Variants in AGBL4 observed in about 807,000 individuals in gnomAD.
AGBL4 encodes the protein AGBL carboxypeptidase 4.
In AGBL4, 58 loss-of-function variants were observed where a neutral mutation model predicts 66.4. That is an observed-to-expected ratio of 0.87 (90% CI 0.71 to 1.09). AGBL4 has a LOEUF of 1.09. AGBL4 is among the 50% of genes least tolerant of loss of function. The probability of loss-of-function intolerance (pLI) is 0.00; values close to 1 mark genes in which losing one functional copy is unlikely to be tolerated. For missense variants in AGBL4, 579 were observed against 631.0 expected (o/e 0.92, Z 0.88); for synonymous variants, 234 against 222.9 (o/e 1.05, Z -0.44).
rs1205845036 is a variant in AGBL4 at position 49,868,351 on chromosome 1, G to A, written c.35-16833C>T. Among the ~76,000 whole-genome samples, 4 of 152,088 alleles carry A rather than the reference G, an allele frequency of 2.6e-5. No individual in the cohort carries two copies. The East Asian group carries it at 7.7e-4, about 29-fold the overall frequency. Reference sequence around the variant, plus strand: ...CCTAAGCAAAGAAAACAAGGCTGGAGGCATCACGCTACCTGACTTCAGACT... The same window carrying A: ...CCTAAGCAAAGAAAACAAGGCTGGAAGCATCACGCTACCTGACTTCAGACT... On this transcript the variant is annotated intron_variant, in intron 1 of 13. Transcript: ENST00000371839.
chr1:48,674,236 C>T (rs1346294817), intron 6 of AGBL4, among the ~76,000 whole-genome samples: 2 of 152,134 alleles, frequency 1.3e-5, no homozygotes, highest in Non-Finnish European at 2.9e-5. Flanking sequence ...GCTGTGAATC[C>T]CTGCCATACA....
At chr1:49,555,075 T>G (rs916833044) in intron 3 of AGBL4, among the ~76,000 whole-genome samples, 1 of 152,186 alleles carries the variant, frequency 6.6e-6, no homozygotes, top group Non-Finnish European at 1.5e-5. Flanking sequence ...CTGCTGGCTC[T>G]CTGGCAGCCT....
chr1:49,234,409 T>C (rs747663360), intron 4 of AGBL4, among the ~76,000 whole-genome samples: 83 of 152,274 alleles, frequency 5.5e-4, no homozygotes, highest in Non-Finnish European at 1.0e-3. Flanking sequence ...GCCTGAAGTA[T>C]ATATAGAAAT....
intron 9 of AGBL4, among the ~76,000 whole-genome samples, chr1:48,604,562 AG>A (rs1645127618): frequency 6.6e-6 from 1 of 152,194 alleles, no homozygotes; most frequent in African/African-American, 2.4e-5. Context: ...CAAAAAAAAA[AG>A]TTAAGTATAA....
chr1:49,906,952 A>T (rs1347556875), intron 1 of AGBL4, among the ~76,000 whole-genome samples: 1 of 152,034 alleles, frequency 6.6e-6, no homozygotes, highest in African/African-American at 2.4e-5. Flanking sequence ...TAAATATAAG[A>T]TGGGCCATTA....
At chr1:49,566,072 C>G (rs78148342) in intron 3 of AGBL4, among the ~76,000 whole-genome samples, 1 of 152,198 alleles carries the variant, frequency 6.6e-6, no homozygotes, top group Non-Finnish European at 1.5e-5. Context: ...CGCTGATACC[C>G]TTTCTTCCCG....
intron 12 of AGBL4, among the ~76,000 whole-genome samples, chr1:48,538,407 A>AG (rs1169972088): frequency 1.3e-5 from 2 of 152,170 alleles, no homozygotes; most frequent in African/African-American, 4.8e-5. Flanking sequence ...ATCCCCATTT[A>AG]TAGGTAAGTA....
At chr1:48,640,981 G>A (rs1207300177) in intron 8 of AGBL4, among the ~76,000 whole-genome samples, 2 of 152,030 alleles carry the variant, frequency 1.3e-5, no homozygotes, top group Admixed American at 6.6e-5. Flanking sequence ...TAGAGAAAAA[G>A]GCAGCTTGGC....
intron 2 of AGBL4, among the ~76,000 whole-genome samples, chr1:49,702,460 C>T (rs2124631001): frequency 6.6e-6 from 1 of 152,100 alleles, no homozygotes; most frequent in South Asian, 2.1e-4. Context: ...CACTGCACTC[C>T]AGCCTAGTGA....
rs1205599428 is a variant in AGBL4, at chr1:49,245,837, T to C, written c.310A>G (p.Ser104Gly). 2 of 1,549,416 alleles carry C rather than the reference T, an allele frequency of 1.3e-6. No individual in the cohort carries two copies. Among genetic ancestry groups the C allele is most frequent in the East Asian group, 2.4e-5 (1 of 40,878 alleles). The change falls in exon 4 of 14, where the codon AGT (serine) becomes GGT (glycine). Residue 104 changes from serine to glycine, a missense_variant. Ser to Gly is a moderately conservative substitution (Grantham distance 56, BLOSUM62 0). Transcript: ENST00000371839. Reference sequence around the variant, plus strand: ...TCTCTATAGAGACTCTTGGTTTTACTGAAGTTAACAATGTTGAAAATGACC... The same window carrying C: ...TCTCTATAGAGACTCTTGGTTTTACCGAAGTTAACAATGTTGAAAATGACC... The part of the protein sequence containing the change: ...QRVIFNIVNF[S>G]KTKSLYRDGM...
chr1:49,321,944 G>A (rs560814409), intron 3 of AGBL4, among the ~76,000 whole-genome samples: 40 of 152,258 alleles, frequency 2.6e-4, no homozygotes, highest in African/African-American at 2.2e-4. Flanking sequence ...TGATTGAGGA[G>A]GTTTTATTTT....
intron 1 of AGBL4, among the ~76,000 whole-genome samples, chr1:49,946,890 T>C (rs953063911): frequency 1.3e-5 from 2 of 151,196 alleles, no homozygotes; most frequent in Non-Finnish European, 1.5e-5. Flanking sequence ...ACTGACACGA[T>C]AGAAATACAA....
intron 3 of AGBL4, among the ~76,000 whole-genome samples, chr1:49,283,497 C>T (rs1419745518): frequency 6.6e-6 from 1 of 152,182 alleles, no homozygotes; most frequent in Non-Finnish European, 1.5e-5. Flanking sequence ...TCCTCACCAG[C>T]AACGGAACAA....
rs141727116 is a variant in AGBL4, at chr1:48,904,252, C to T, written c.595-37022G>A. Among the ~76,000 whole-genome samples, 211 of 152,286 alleles carry T rather than the reference C, an allele frequency of 1.4e-3. 1 individual carries two copies. Among genetic ancestry groups the T allele is most frequent in the African/African-American group, 4.9e-3 (204 of 41,554 alleles). On this transcript the variant is annotated intron_variant, in intron 5 of 13. Transcript: ENST00000371839. Reference sequence around the variant, plus strand: ...CAAGATCACGCCATTGCACTCCAGCCTGGGTGAGAGAGACTCCATCTCAAG... The same window carrying T: ...CAAGATCACGCCATTGCACTCCAGCTTGGGTGAGAGAGACTCCATCTCAAG...
At chr1:49,787,904 T>C (rs1644500028) in intron 2 of AGBL4, among the ~76,000 whole-genome samples, 1 of 151,962 alleles carries the variant, frequency 6.6e-6, no homozygotes, top group South Asian at 2.1e-4. Flanking sequence ...GTCACTGAAC[T>C]TCCAAACCCC....
intron 8 of AGBL4, among the ~76,000 whole-genome samples, chr1:48,639,768 T>C (rs1003016418): frequency 6.6e-6 from 1 of 152,208 alleles, no homozygotes; most frequent in Non-Finnish European, 1.5e-5. Context: ...GCAAAGGGTA[T>C]AGCATGTGCA....
At chr1:49,866,101 G>A (rs542319814) in intron 1 of AGBL4, among the ~76,000 whole-genome samples, 1 of 152,012 alleles carries the variant, frequency 6.6e-6, no homozygotes, top group Non-Finnish European at 1.5e-5. Context: ...GAAAACTATG[G>A]GATTATATAA....
chr1:49,549,035 TCTAGGTTTCCTAGTTTATGCGCATAAA>T (rs1252636082), intron 3 of AGBL4, among the ~76,000 whole-genome samples: 8 of 152,074 alleles, frequency 5.3e-5, no homozygotes, highest in African/African-American at 9.7e-5. Flanking sequence ...ATCCATCTCT[TCTAGGTTTCCTAGTTTATGCGCATAAA>T]CTAGGTTTCC....
intron 3 of AGBL4, among the ~76,000 whole-genome samples, chr1:49,398,890 T>C (rs1319778260): frequency 1.3e-5 from 2 of 152,216 alleles, no homozygotes; most frequent in African/African-American, 2.4e-5. Context: ...TACAGTTATA[T>C]TATTTCTGAC....
Sources: allele counts gnomAD v4.1 joint callset (sites outside exome capture counted in the v4.1 genomes callset), GRCh38; gene constraint gnomAD v4.1.1; transcripts MANE v1.5; gene names NCBI Gene and HGNC (gene_info 2026-07-23, HGNC 2026-07-21).